HHLA2: variants seen among roughly 807,000 people sequenced by gnomAD.
HHLA2 encodes the protein HHLA2 member of B7 family, also known as HERV-H LTR-associating protein 2.
Under a neutral mutation model 45.9 loss-of-function variants are expected in HHLA2, and 48 were observed. That is an observed-to-expected ratio of 1.05 (90% confidence interval 0.83 to 1.33). The LOEUF (loss-of-function observed/expected upper bound fraction) is 1.33, where lower values mean the gene tolerates loss of function less well. Among genes scored for constraint, HHLA2 ranks in the 40% most tolerant of loss-of-function variants. The pLI is 0.00. For synonymous variants in HHLA2, 161 were observed against 173.9 expected (o/e 0.93, Z 0.59); for missense variants, 462 against 494.3 (o/e 0.93, Z 0.62).
At chr3:108,371,671 C>T (rs1025021617) in intron 8 of HHLA2, among the ~76,000 whole-genome samples, 2 of 152,122 alleles carry the variant, frequency 1.3e-5, no homozygotes, top group African/African-American at 4.8e-5. Flanking sequence ...GCAGGAGTTG[C>T]AATCCTAGTC....
At chr3:108,356,784 C>T (rs867272304) in intron 6 of HHLA2, among the ~76,000 whole-genome samples, 1 of 151,956 alleles carries the variant, frequency 6.6e-6, no homozygotes, top group Admixed American at 6.6e-5. Context: ...GCATCTAGTA[C>T]AAATATAAAA....
chr3:108,362,918 C>T (rs1423091395), intron 8 of HHLA2, among the ~76,000 whole-genome samples: 1 of 152,080 alleles, frequency 6.6e-6, no homozygotes, highest in Non-Finnish European at 1.5e-5. Flanking sequence ...ACCCTCACAC[C>T]TCAGAAGGAA....
chr3:108,366,039 G>T (rs925004331), intron 8 of HHLA2, among the ~76,000 whole-genome samples: 3 of 152,200 alleles, frequency 2.0e-5, no homozygotes, highest in African/African-American at 7.2e-5. Context: ...GTGAGAGAAG[G>T]CATCCTTGTC....
At chr3:108,371,652 CA>C (rs936465127) in intron 8 of HHLA2, among the ~76,000 whole-genome samples, 27 of 151,908 alleles carry the variant, frequency 1.8e-4, no homozygotes, top group African/African-American at 6.3e-4. Context: ...AAATGACAAA[CA>C]AAAAAATGCA....
intron 8 of HHLA2, among the ~76,000 whole-genome samples, chr3:108,365,169 T>G (rs1460614943): frequency 6.6e-6 from 1 of 152,220 alleles, no homozygotes; most frequent in Non-Finnish European, 1.5e-5. Context: ...GAATTAATTT[T>G]TGTATAAGGT....
chr3:108,325,474 T>C (rs984230698), intron 2 of HHLA2: 1 of 376,800 alleles, frequency 2.7e-6, no homozygotes, highest in Admixed American at 2.9e-5. Flanking sequence ...CTGGCTCTCC[T>C]CTCCTGTTAA....
intron 7 of HHLA2, among the ~76,000 whole-genome samples, chr3:108,360,394 A>G (rs547500017): frequency 4.1e-4 from 62 of 152,338 alleles, no homozygotes; most frequent in African/African-American, 1.4e-3. Flanking sequence ...CATAGATCTC[A>G]GCAACCTCAA....
intron 8 of HHLA2, among the ~76,000 whole-genome samples, chr3:108,365,571 A>G (rs975368065): frequency 1.3e-5 from 2 of 152,220 alleles, no homozygotes; most frequent in Admixed American, 1.3e-4. Context: ...CATTGAATCT[A>G]TAAATTACTT....
chr3:108,338,411 T>C (rs2081510620), intron 3 of HHLA2, among the ~76,000 whole-genome samples: 1 of 152,110 alleles, frequency 6.6e-6, no homozygotes, highest in African/African-American at 2.4e-5. Context: ...GGGAAGTTTG[T>C]AGAATTGAAT....
intron 2 of HHLA2, among the ~76,000 whole-genome samples, chr3:108,312,723 C>T (rs1005709795): frequency 1.3e-5 from 2 of 152,188 alleles, no homozygotes; most frequent in African/African-American, 4.8e-5. Flanking sequence ...TGGCTTCTTC[C>T]CTTTCTCTGT....
chr3:108,328,918 C>G (rs529477791), intron 3 of HHLA2, among the ~76,000 whole-genome samples: 1 of 152,224 alleles, frequency 6.6e-6, no homozygotes, highest in Admixed American at 6.5e-5. Context: ...CTCTTTTGCA[C>G]TGAGAGCAGC....
intron 3 of HHLA2, among the ~76,000 whole-genome samples, chr3:108,344,779 T>G (rs1177399939): frequency 1.3e-5 from 2 of 152,220 alleles, no homozygotes; most frequent in African/African-American, 4.8e-5. Context: ...GCAATTTCTT[T>G]TGTCTGTTTT....
At chr3:108,305,771 G>A (rs1274500786) in intron 1 of HHLA2, among the ~76,000 whole-genome samples, 1 of 152,188 alleles carries the variant, frequency 6.6e-6, no homozygotes, top group Non-Finnish European at 1.5e-5. Context: ...AAGGAAATCT[G>A]AGGCACACAG....
In HHLA2 at chr3:108,338,966, G is replaced by A. The variant is rs556735910; in HGVS notation, c.-27+10619G>A. Among the ~76,000 whole-genome samples the A allele has an allele frequency of 3.9e-5, 6 of 152,282 alleles. No individual in the cohort carries two copies. In the South Asian group the frequency reaches 1.2e-3, roughly 32 times the overall value. On this transcript the variant is annotated intron_variant, in intron 3 of 10. Transcript: ENST00000619531. ...GTTTTCAGGAGACTAAGATGGCAAT[G>A]GTACATAAGTAGCTTGATCATATAA...
intron 3 of HHLA2, among the ~76,000 whole-genome samples, chr3:108,347,188 A>G (rs559152467): frequency 7.9e-5 from 12 of 152,340 alleles, no homozygotes; most frequent in Non-Finnish European, 1.6e-4. Context: ...CCAAATACTC[A>G]TTAACTGCCT....
chr3:108,305,212 T>C, intron 1 of HHLA2, among the ~76,000 whole-genome samples: 1 of 152,212 alleles, frequency 6.6e-6, no homozygotes, highest in East Asian at 1.9e-4. Flanking sequence ...ATTAAAATGC[T>C]GATGCTTTAT....
chr3:108,362,684 A>G (rs1019614900), intron 8 of HHLA2, among the ~76,000 whole-genome samples: 1 of 152,220 alleles, frequency 6.6e-6, no homozygotes, highest in African/African-American at 2.4e-5. Flanking sequence ...ATATACAAGC[A>G]TATTCACTGC....
chr3:108,357,836 G>C lies in HHLA2; in HGVS notation c.686-8G>C. 1 of 1,590,030 alleles carries C rather than the reference G, an allele frequency of 6.3e-7. No homozygotes were observed. The highest frequency in any genetic ancestry group is 2.2e-5 in the East Asian group (1 of 44,606). Reference sequence around the variant, plus strand: ...TCATTGATGTTTTCTTTTCTATTGTGTTGTTAGATGGCCTTCATAAAATGC... The same window carrying C: ...TCATTGATGTTTTCTTTTCTATTGTCTTGTTAGATGGCCTTCATAAAATGC... On this transcript the variant is annotated splice_polypyrimidine_tract_variant and splice_region_variant and intron_variant, in intron 6 of 10. Coordinates refer to ENST00000619531, the Ensembl canonical transcript of HHLA2.
chr3:108,302,040 G>A (rs571132392), intron 1 of HHLA2, among the ~76,000 whole-genome samples: 33 of 152,232 alleles, frequency 2.2e-4, no homozygotes, highest in Non-Finnish European at 4.1e-4. Flanking sequence ...AATAAGACAA[G>A]TAATCTAGAT....
Sources: allele counts gnomAD v4.1 joint callset (sites outside exome capture counted in the v4.1 genomes callset), GRCh38; gene constraint gnomAD v4.1.1; transcripts MANE v1.5; gene names NCBI Gene and HGNC (gene_info 2026-07-23, HGNC 2026-07-21).